TTC39A: variants seen among roughly 807,000 people sequenced by gnomAD.
TTC39A encodes tetratricopeptide repeat domain 39A.
Under a neutral mutation model 82.3 loss-of-function variants are expected in TTC39A, and 46 were observed. The ratio of observed to expected loss-of-function variants is 0.56; its 90% CI spans 0.44 to 0.71. TTC39A has a LOEUF of 0.71. Ranked by LOEUF, TTC39A falls within the 30% of genes least tolerant of loss-of-function variation. The probability of loss-of-function intolerance (pLI) is 0.00; values close to 1 mark genes in which losing one functional copy is unlikely to be tolerated. For missense variants in TTC39A, 543 were observed against 712.9 expected, an observed-to-expected ratio of 0.76 and a Z score of 2.71; for synonymous variants, 254 against 275.2, an observed-to-expected ratio of 0.92 and a Z score of 0.76.
chr1:51,339,963 C>A (rs1447278086), intron 1 of TTC39A, among the ~76,000 whole-genome samples: 1 of 151,978 alleles, frequency 6.6e-6, no homozygotes, highest in Non-Finnish European at 1.5e-5. Flanking sequence ...GGTGATTAGG[C>A]CATGGGTGCA....
At chr1:51,316,087 G>A (rs542030863) in intron 2 of TTC39A, among the ~76,000 whole-genome samples, 35 of 152,090 alleles carry the variant, frequency 2.3e-4, no homozygotes, top group Non-Finnish European at 4.6e-4. Flanking sequence ...GGTCGTTCTC[G>A]GCACCCCTTA....
intron 2 of TTC39A, among the ~76,000 whole-genome samples, chr1:51,317,497 C>G (rs1171905964): frequency 1.3e-5 from 2 of 152,068 alleles, no homozygotes; most frequent in East Asian, 3.9e-4. Context: ...GCCTGTAATC[C>G]CAGCACTGTG....
intron 1 of TTC39A, among the ~76,000 whole-genome samples, chr1:51,338,917 T>C (rs879686169): frequency 1.3e-5 from 2 of 152,150 alleles, no homozygotes; most frequent in Non-Finnish European, 2.9e-5. Flanking sequence ...TTATCCTCCT[T>C]TGAGTGGCCT....
intron 1 of TTC39A, among the ~76,000 whole-genome samples, chr1:51,329,258 G>A (rs1174764931): frequency 2.0e-5 from 3 of 152,186 alleles, no homozygotes; most frequent in Non-Finnish European, 4.4e-5. Context: ...GGACCCAGCA[G>A]GGTGGTGGTG....
At chr1:51,340,244 C>T (rs1298903107) in intron 1 of TTC39A, among the ~76,000 whole-genome samples, 1 of 152,150 alleles carries the variant, frequency 6.6e-6, no homozygotes, top group Non-Finnish European at 1.5e-5. Context: ...CCTCAGCGAC[C>T]ATTCCCCCAC....
chr1:51,334,421 T>A (rs1448576876), upstream of TTC39A, among the ~76,000 whole-genome samples: 4 of 152,096 alleles, frequency 2.6e-5, no homozygotes, highest in Non-Finnish European at 5.9e-5. Flanking sequence ...AAGAATCGCT[T>A]GAACCCGGGA....
intron 1 of TTC39A, among the ~76,000 whole-genome samples, chr1:51,339,676 C>A (rs1646012435): frequency 6.6e-6 from 1 of 152,158 alleles, no homozygotes. Context: ...ATAATCCCAG[C>A]ACTTTGGGAG....
chr1:51,290,081 A>G lies in TTC39A; in HGVS notation c.1417T>C (p.Leu473=), dbSNP rs1207059298. ...TATTTCAGACACAGGCCTTTCAACA[A>G]TTTCACCAAGCACTCGTCATCCACT... is the stretch of plus-strand genomic sequence containing the variant. ...YSVDDECLVK[L]LKGLCLKYLG... is the part of the protein sequence containing the mutation. Residue 473 remains leucine (L), a synonymous_variant, in exon 16 of 18, where the codon TTG becomes CTG. Transcript: ENST00000680483. The G allele has an allele frequency of 6.2e-7, 1 of 1,613,870 alleles. No individual in the cohort carries two copies. The highest frequency in any genetic ancestry group is 8.5e-7 in the Non-Finnish European group (1 of 1,179,838).
At chr1:51,310,879 A>G (rs534336789) in intron 5 of TTC39A, among the ~76,000 whole-genome samples, 1 of 152,378 alleles carries the variant, frequency 6.6e-6, no homozygotes, top group African/African-American at 2.4e-5. Context: ...ACATACCTAT[A>G]CCGTGTGCAA....
chr1:51,289,451 C>T (rs1323848961), intron 16 of TTC39A, among the ~76,000 whole-genome samples: 1 of 152,194 alleles, frequency 6.6e-6, no homozygotes, highest in Non-Finnish European at 1.5e-5. Context: ...ATCACCGTCA[C>T]CCCAGCCTCA....
At chr1:51,308,781 G>A (rs974069044) in intron 6 of TTC39A, among the ~76,000 whole-genome samples, 2 of 151,868 alleles carry the variant, frequency 1.3e-5, no homozygotes, top group African/African-American at 2.4e-5. Flanking sequence ...GTGCATGCAC[G>A]TGTGTGTGTA....
intron 1 of TTC39A, chr1:51,343,156 A>G: frequency 2.3e-6 from 1 of 439,298 alleles, no homozygotes; most frequent in South Asian, 1.6e-5. Context: ...CAAAACTGAA[A>G]TGCACTCTGA....
chr1:51,313,379 G>T (rs903427924), intron 2 of TTC39A, among the ~76,000 whole-genome samples: 1 of 151,982 alleles, frequency 6.6e-6, no homozygotes, highest in Non-Finnish European at 1.5e-5. Flanking sequence ...CCACCCCTGG[G>T]CCGCCCTCAA....
Position 51,294,248 on chromosome 1 carries a change from T to G in TTC39A, c.1266+143A>C. On this transcript the variant is annotated intron_variant, in intron 14 of 17. Coordinates refer to ENST00000680483, the MANE Select transcript of TTC39A (RefSeq NM_001297663.2). The surrounding 1 kb of genome is among the most constrained non-coding windows in gnomAD (Gnocchi z 4.3). The stretch of plus-strand genomic sequence containing the variant: ...CTAAGGGGCAGGGGCTGGGCCAGAC[T>G]CCCAGGTGAATTGTGAAACCCTCCC... The G allele has an allele frequency of 3.7e-6, 5 of 1,352,324 alleles. No individual in the cohort carries two copies. Among genetic ancestry groups the G allele is most frequent in the Non-Finnish European group, 5.0e-6 (5 of 1,003,504 alleles). 83.8% of individuals were successfully genotyped at this position (1,352,324 alleles called of 1,614,324 possible). A position where few individuals can be genotyped will look rare whatever the true frequency, so the allele number is the denominator to read the frequency against.
At position 51,325,520 on chromosome 1, in the gene TTC39A, TTCTC is replaced by T. The variant is rs1012168033; in HGVS notation, c.42-3699_42-3696del. 5.3e-5 allele frequency among the ~76,000 whole-genome samples: 8 copies of T among 152,274 alleles called. No homozygotes were observed. In the South Asian group the frequency reaches 1.7e-3, roughly 32 times the overall value. ...CTACTGCCTGGGTGTTTAACTGGCA[TTCTC>T]TCTGACTGCTCTCAAAATGCCCTGT... is the stretch of plus-strand genomic sequence containing the variant. On this transcript the variant is annotated intron_variant, in intron 1 of 17. Transcript: ENST00000680483.
intron 14 of TTC39A, among the ~76,000 whole-genome samples, chr1:51,293,365 C>A (rs933400165): frequency 6.6e-5 from 10 of 152,152 alleles, no homozygotes; most frequent in African/African-American, 2.2e-4. Flanking sequence ...CCATGCCTGG[C>A]CTATGGTATA....
intron 1 of TTC39A, among the ~76,000 whole-genome samples, chr1:51,340,478 G>A (rs1436293016): frequency 6.6e-6 from 1 of 152,204 alleles, no homozygotes; most frequent in Non-Finnish European, 1.5e-5. Flanking sequence ...TTTAAGGCCT[G>A]CTCAGTGGTC....
intron 1 of TTC39A, among the ~76,000 whole-genome samples, chr1:51,342,787 C>T (rs1646053803): frequency 6.6e-6 from 1 of 152,196 alleles, no homozygotes; most frequent in Admixed American, 6.5e-5. Flanking sequence ...CTTCCTCACA[C>T]AGGCCCACTG....
chr1:51,290,405 G>C, intron 15 of TTC39A, 109 bp downstream of exon 15: 1 of 989,922 alleles, frequency 1.0e-6, no homozygotes, highest in Non-Finnish European at 1.5e-6. Context: ...GAGAGATAAA[G>C]GAGAGTTGCC....
Sources: allele counts gnomAD v4.1 joint callset (sites outside exome capture counted in the v4.1 genomes callset), GRCh38; gene constraint gnomAD v4.1.1; non-coding constraint Gnocchi (gnomAD v3.1); transcripts MANE v1.5; gene names NCBI Gene and HGNC (gene_info 2026-07-23, HGNC 2026-07-21).